Variants in CPNE4 observed in about 807,000 individuals in gnomAD.
CPNE4 encodes copine-4.
Under a neutral mutation model 67.9 loss-of-function variants are expected in CPNE4, and 25 were observed. That is an observed-to-expected ratio of 0.37 (90% CI 0.27 to 0.51). The LOEUF (loss-of-function observed/expected upper bound fraction) is 0.51. Among genes scored for constraint, CPNE4 ranks in the 20% least tolerant of loss-of-function variants. The pLI is 0.93. For synonymous variants in CPNE4, 242 were observed against 244.9 expected, an observed-to-expected ratio of 0.99 and a Z score of 0.11; for missense variants, 464 against 690.8, an observed-to-expected ratio of 0.67 and a Z score of 3.68.
intron 1 of CPNE4, among the ~76,000 whole-genome samples, chr3:131,971,066 A>G (rs922626598): frequency 3.9e-5 from 6 of 152,226 alleles, no homozygotes; most frequent in Admixed American, 3.9e-4. Context: ...AGCGGTGTTC[A>G]TCTGGCAGCT....
At chr3:131,741,878 G>T (rs1221993099) in intron 2 of CPNE4, among the ~76,000 whole-genome samples, 3 of 152,182 alleles carry the variant, frequency 2.0e-5, no homozygotes, top group Non-Finnish European at 4.4e-5. Flanking sequence ...TGGAATTGGA[G>T]AAGATAATTA....
Position 131,772,274 on chromosome 3 carries a change from G to GA in CPNE4, c.181-48650dup, listed in dbSNP as rs1156806984. 3.3e-5 allele frequency among the ~76,000 whole-genome samples: 5 copies of GA among 152,018 alleles called. 1 individual carries two copies. In the East Asian group the frequency reaches 7.7e-4, roughly 24 times the overall value. On this transcript the variant is annotated intron_variant, in intron 2 of 15. Transcript: ENST00000429747. ...AAGTGCCTAGCATATAGCAGATGTT[G>GA]AAAAAAATCCATGTTAAATGAATAA... is the stretch of plus-strand genomic sequence containing the variant.
chr3:131,636,422 C>A lies in CPNE4; in HGVS notation c.681+33253G>T, dbSNP rs115125267. Among the ~76,000 whole-genome samples, 1,135 of 152,178 alleles carry A rather than the reference C, an allele frequency of 7.5e-3. 17 individuals carry two copies. The highest frequency in any genetic ancestry group is 0.026 in the African/African-American group (1,085 of 41,506). On this transcript the variant is annotated intron_variant, in intron 7 of 15. Transcript: ENST00000429747. ...TTGACTCAGCAGAGGCAGCCATAAT[C>A]CCCCTAGGAATATAACTCCAATGGA...
chr3:131,743,892 G>A (rs1432065689), intron 2 of CPNE4, among the ~76,000 whole-genome samples: 2 of 144,420 alleles, frequency 1.4e-5, no homozygotes, highest in Non-Finnish European at 3.0e-5. Context: ...GAACCCGGGA[G>A]GCGGAGCTTG....
chr3:131,903,950 G>A lies in CPNE4; in HGVS notation c.180+1314C>T, dbSNP rs138784179. 7.6e-4 allele frequency among the ~76,000 whole-genome samples: 116 copies of A among 152,174 alleles called. 1 individual carries two copies. Among genetic ancestry groups the A allele is most frequent in the African/African-American group, 2.6e-3 (107 of 41,550 alleles). The stretch of plus-strand genomic sequence containing the variant: ...CCTAGAGCTTCTCTCCACTGGGTCC[G>A]TGATCAGTTAGAGTCTAGCAGGCAC... On this transcript the variant is annotated intron_variant, in intron 2 of 15. Coordinates refer to ENST00000429747, the MANE Select transcript of CPNE4 (RefSeq NM_130808.3).
intron 11 of CPNE4, among the ~76,000 whole-genome samples, chr3:131,556,417 A>G (rs972237698): frequency 7.2e-5 from 11 of 152,052 alleles, no homozygotes; most frequent in African/African-American, 2.7e-4. Context: ...AAGTTTGGCT[A>G]ATTTGACAGA....
intron 1 of CPNE4, among the ~76,000 whole-genome samples, chr3:131,979,249 G>C (rs1036113496): frequency 2.6e-5 from 4 of 152,010 alleles, no homozygotes; most frequent in African/African-American, 9.7e-5. Context: ...TGTTGACTTT[G>C]TCTTGATGAC....
rs1936082576 is a variant in CPNE4, at chr3:131,549,978, G to A, written c.1271C>T (p.Ala424Val). The part of the protein sequence containing the change: ...APIIQKVAKS[A>V]SEETNTKEAS... The stretch of plus-strand genomic sequence containing the variant: ...CTCCTTGGTGTTAGTTTCCTCTGAC[G>A]CTGACTTGGCAACCTTCTGGATGAT... The change falls in exon 14 of 16, where the codon GCG becomes GTG. Residue 424 changes from alanine to valine, a missense_variant. Coordinates refer to ENST00000429747, the MANE Select transcript of CPNE4 (RefSeq NM_130808.3). The A allele has an allele frequency of 4.3e-6, 7 of 1,612,994 alleles. No individual in the cohort carries two copies. The highest frequency in any genetic ancestry group is 2.2e-5 in the East Asian group (1 of 44,856).
intron 1 of CPNE4, among the ~76,000 whole-genome samples, chr3:132,034,120 A>G (rs990787366): frequency 3.9e-5 from 6 of 152,190 alleles, no homozygotes; most frequent in African/African-American, 1.2e-4. Context: ...CAGCCAGGTC[A>G]AGCCATTGGA....
At chr3:131,942,914 C>T (rs1330324576) in intron 1 of CPNE4, among the ~76,000 whole-genome samples, 1 of 152,112 alleles carries the variant, frequency 6.6e-6, no homozygotes, top group African/African-American at 2.4e-5. Context: ...GAATTCCCAT[C>T]CAGTTCTGCT....
At chr3:132,003,012 G>T (rs1020722234) in intron 1 of CPNE4, among the ~76,000 whole-genome samples, 1 of 152,082 alleles carries the variant, frequency 6.6e-6, no homozygotes, top group Non-Finnish European at 1.5e-5. Context: ...GTCAGAATTT[G>T]CATTTTAACA....
At chr3:131,700,933 T>C (rs533656356) in intron 3 of CPNE4, among the ~76,000 whole-genome samples, 1 of 152,158 alleles carries the variant, frequency 6.6e-6, no homozygotes, top group East Asian at 1.9e-4. Context: ...GATGAGTTCA[T>C]GTCCTTTGTA....
rs755902156 is a variant in CPNE4 at position 131,657,873 on chromosome 3, A to G, written c.681+11802T>C. On this transcript the variant is annotated intron_variant, in intron 7 of 15. Transcript: ENST00000429747. ...GATACCGTGCCCGGCCGAATTATCT[A>G]TATTTTTAAGATCAAGCACCTTATT... Among the ~76,000 whole-genome samples, 9 of 152,084 alleles carry G rather than the reference A, an allele frequency of 5.9e-5. No individual in the cohort carries two copies. In the South Asian group the frequency reaches 6.2e-4, roughly 11 times the overall value.
intron 1 of CPNE4, among the ~76,000 whole-genome samples, chr3:132,028,136 A>C (rs567609919): frequency 2.8e-4 from 43 of 152,298 alleles, no homozygotes; most frequent in Non-Finnish European, 1.5e-5. Flanking sequence ...CGCTGTTAAG[A>C]ATACATACAA....
At chr3:131,718,816 T>C (rs1398513996) in intron 3 of CPNE4, among the ~76,000 whole-genome samples, 1 of 152,260 alleles carries the variant, frequency 6.6e-6, no homozygotes, top group African/African-American at 2.4e-5. Context: ...CCAGGTATAC[T>C]TGGCATATCC....
At chr3:131,779,126 C>T (rs541798240) in intron 2 of CPNE4, among the ~76,000 whole-genome samples, 3 of 151,882 alleles carry the variant, frequency 2.0e-5, no homozygotes, top group Middle Eastern at 3.4e-3. Flanking sequence ...ATACAGCTAA[C>T]GAGGGAGGTA....
intron 7 of CPNE4, among the ~76,000 whole-genome samples, chr3:131,647,019 T>C (rs766560504): frequency 1.3e-5 from 2 of 152,166 alleles, no homozygotes; most frequent in Non-Finnish European, 2.9e-5. Flanking sequence ...AGAGGGGCAT[T>C]CTACTGTGCC....
chr3:131,548,879 G>T (rs1936019306), intron 14 of CPNE4, among the ~76,000 whole-genome samples: 1 of 152,176 alleles, frequency 6.6e-6, no homozygotes, highest in Non-Finnish European at 1.5e-5. Flanking sequence ...GATCAATCTG[G>T]TTTCTGCATG....
intron 2 of CPNE4, among the ~76,000 whole-genome samples, chr3:131,788,926 T>C (rs568089071): frequency 2.8e-4 from 42 of 152,050 alleles, no homozygotes; most frequent in African/African-American, 1.0e-3. Context: ...ATGACAATTA[T>C]GGTTTTTCCA....
Sources: allele counts gnomAD v4.1 joint callset (sites outside exome capture counted in the v4.1 genomes callset), GRCh38; gene constraint gnomAD v4.1.1; transcripts MANE v1.5; gene names NCBI Gene and HGNC (gene_info 2026-07-23, HGNC 2026-07-21).